CDH13: variants seen among roughly 807,000 people sequenced by gnomAD.
CDH13 encodes cadherin 13.
A neutral mutation model predicts 63.8 loss-of-function variants in CDH13; 24 were observed. The ratio of observed to expected loss-of-function variants is 0.38; its 90% CI spans 0.27 to 0.53. The LOEUF is 0.53. CDH13 is among the 20% of genes least tolerant of loss of function. CDH13 has a pLI of 0.85. For missense variants in CDH13, 1,049 were observed against 903.1 expected, an observed-to-expected ratio of 1.16 and a Z score of -2.07; for synonymous variants, 503 against 355.3, an observed-to-expected ratio of 1.42 and a Z score of -4.67.
intron 3 of CDH13, among the ~76,000 whole-genome samples, chr16:83,083,828 G>C (rs2033414514): frequency 6.6e-6 from 1 of 152,130 alleles, no homozygotes; most frequent in African/African-American, 2.4e-5. Context: ...ATACAATGAA[G>C]GGCATCCAGC....
At chr16:83,415,517 A>G (rs2092187162) in intron 6 of CDH13, among the ~76,000 whole-genome samples, 1 of 152,232 alleles carries the variant, frequency 6.6e-6, no homozygotes. Context: ...AGTCCTTAAC[A>G]AAATACTAGC....
At chr16:82,807,246 G>T (rs1368255830) in intron 1 of CDH13, among the ~76,000 whole-genome samples, 1 of 152,100 alleles carries the variant, frequency 6.6e-6, no homozygotes. Context: ...GTTTTTATTT[G>T]TTTTAATCCC....
chr16:83,419,397 C>T (rs764171633), intron 6 of CDH13, among the ~76,000 whole-genome samples: 32 of 152,162 alleles, frequency 2.1e-4, no homozygotes, highest in Non-Finnish European at 3.4e-4. Flanking sequence ...CATGAATATA[C>T]ACAGTGAGAG....
intron 7 of CDH13, among the ~76,000 whole-genome samples, chr16:83,568,170 A>G (rs971486864): frequency 1.3e-5 from 2 of 151,724 alleles, no homozygotes; most frequent in Non-Finnish European, 2.9e-5. Context: ...GAACGAAATG[A>G]CACTCACCCC....
intron 3 of CDH13, among the ~76,000 whole-genome samples, chr16:83,089,158 G>A (rs1188240693): frequency 1.3e-5 from 2 of 152,146 alleles, no homozygotes; most frequent in Non-Finnish European, 2.9e-5. Context: ...ACTTTGAGGT[G>A]GCTATCATCT....
At chr16:83,181,523 A>C (rs2038348246) in intron 4 of CDH13, among the ~76,000 whole-genome samples, 1 of 152,204 alleles carries the variant, frequency 6.6e-6, no homozygotes, top group Non-Finnish European at 1.5e-5. Flanking sequence ...CAATAAAGCA[A>C]AAATACCCTC....
At chr16:83,548,837 C>T (rs12600064) in intron 7 of CDH13, among the ~76,000 whole-genome samples, 1 of 151,976 alleles carries the variant, frequency 6.6e-6, no homozygotes, top group African/African-American at 2.4e-5. Flanking sequence ...AGAGGAGAAA[C>T]CTATGATCCT....
chr16:83,003,426 C>T (rs1482435251), intron 2 of CDH13, among the ~76,000 whole-genome samples: 1 of 151,366 alleles, frequency 6.6e-6, no homozygotes, highest in South Asian at 2.1e-4. Flanking sequence ...AATCCAGGCT[C>T]ATAAATAGGG....
intron 2 of CDH13, among the ~76,000 whole-genome samples, chr16:83,006,725 T>A (rs1346227438): frequency 3.3e-5 from 5 of 152,188 alleles, no homozygotes; most frequent in African/African-American, 1.2e-4. Flanking sequence ...TAAAAACTGG[T>A]TCTTTTCAAA....
In CDH13 at chr16:83,780,197, C is replaced by T. The variant is rs926828240; in HGVS notation, c.1911C>T (p.Ile637=). The T allele has an allele frequency of 6.3e-6, 10 of 1,582,718 alleles. No homozygotes were observed. The highest frequency in any genetic ancestry group is 8.6e-6 in the Non-Finnish European group (10 of 1,159,428). Residue 637 remains isoleucine (I), a synonymous_variant, in exon 12 of 14, where the codon ATC becomes ATT. Transcript: ENST00000567109. ...ATAAAGTCTGGAAGATCTCCAAGAT[C>T]AACAGTAAGTCTGGCTAAAGCATTT... ...VPDKVWKISK[I]NNTHALVSLL...
At chr16:83,157,133 T>C (rs2037240129) in intron 4 of CDH13, among the ~76,000 whole-genome samples, 1 of 152,250 alleles carries the variant, frequency 6.6e-6, no homozygotes, top group Non-Finnish European at 1.5e-5. Flanking sequence ...TTCAGTAGAT[T>C]GTCTCAGAAT....
chr16:83,131,474 C>T (rs112517424), intron 4 of CDH13, among the ~76,000 whole-genome samples: 1 of 152,090 alleles, frequency 6.6e-6, no homozygotes, highest in Non-Finnish European at 1.5e-5. Flanking sequence ...TTTCCCCTCC[C>T]CCTTCAAAGT....
chr16:82,911,702 C>T (rs2041835974), intron 2 of CDH13, among the ~76,000 whole-genome samples: 1 of 152,138 alleles, frequency 6.6e-6, no homozygotes, highest in African/African-American at 2.4e-5. Context: ...CATGGGTGTT[C>T]AGAAGTATGG....
intron 7 of CDH13, among the ~76,000 whole-genome samples, chr16:83,526,967 A>C (rs896407656): frequency 1.3e-5 from 2 of 152,036 alleles, no homozygotes; most frequent in Non-Finnish European, 2.9e-5. Context: ...CCCCGTCTAT[A>C]CTAAAACTAC....
intron 3 of CDH13, among the ~76,000 whole-genome samples, chr16:83,092,845 A>G (rs1196004756): frequency 6.6e-6 from 1 of 152,200 alleles, no homozygotes; most frequent in African/African-American, 2.4e-5. Context: ...CTTAAGTATA[A>G]CATTGCTCAG....
chr16:83,703,231 A>G (rs1567530677), intron 10 of CDH13, among the ~76,000 whole-genome samples: 1 of 152,212 alleles, frequency 6.6e-6, no homozygotes, highest in Non-Finnish European at 1.5e-5. Context: ...TCCAACAGTC[A>G]CACTCTTCCA....
chr16:82,851,513 T>G (rs1202635297), intron 1 of CDH13, among the ~76,000 whole-genome samples: 1 of 152,014 alleles, frequency 6.6e-6, no homozygotes, highest in Non-Finnish European at 1.5e-5. Flanking sequence ...AGTCTCCCCT[T>G]TTACCTCCCC....
At chr16:83,695,622 C>T (rs1905297162) in intron 10 of CDH13, among the ~76,000 whole-genome samples, 1 of 152,000 alleles carries the variant, frequency 6.6e-6, no homozygotes, top group Non-Finnish European at 1.5e-5. Context: ...TAACAAATAA[C>T]TAGAATATAA....
intron 1 of CDH13, among the ~76,000 whole-genome samples, chr16:82,838,682 T>C (rs1288870792): frequency 6.6e-6 from 1 of 152,224 alleles, no homozygotes; most frequent in Non-Finnish European, 1.5e-5. Flanking sequence ...TGGTTTTGTT[T>C]ATACTCAAAG....
Sources: allele counts gnomAD v4.1 joint callset (sites outside exome capture counted in the v4.1 genomes callset), GRCh38; gene constraint gnomAD v4.1.1; transcripts MANE v1.5; gene names NCBI Gene and HGNC (gene_info 2026-07-23, HGNC 2026-07-21).